Variants in LMBR1 observed in about 807,000 individuals in gnomAD.
LMBR1 encodes the protein limb development membrane protein 1, also known as limb region 1 protein homolog.
Under a neutral mutation model 73.9 loss-of-function variants are expected in LMBR1, and 52 were observed. The observed-to-expected ratio is 0.70, with a 90% CI of 0.56 to 0.89. LMBR1 has a LOEUF of 0.89. Ranked by LOEUF, LMBR1 falls within the 40% of genes least tolerant of loss-of-function variation. The pLI, the probability that LMBR1 is intolerant of heterozygous loss-of-function variation, is 0.00. For synonymous variants in LMBR1, 215 were observed against 209.4 expected (o/e 1.03, Z -0.23); for missense variants, 539 against 579.8 (o/e 0.93, Z 0.72).
chr7:156,765,680 C>T (rs948600576), intron 5 of LMBR1, among the ~76,000 whole-genome samples: 4 of 151,978 alleles, frequency 2.6e-5, no homozygotes, highest in African/African-American at 9.7e-5. Flanking sequence ...AATAAACAGA[C>T]AAAAGGAGAT....
chr7:156,763,095 GA>G lies in LMBR1; in HGVS notation c.619+12del. The G allele has an allele frequency of 3.1e-6, 4 of 1,290,364 alleles. No homozygotes were observed. The highest frequency in any genetic ancestry group is 1.5e-5 in the African/African-American group (1 of 66,240). 79.9% of individuals were successfully genotyped at this position (1,290,364 alleles called of 1,614,324 possible). On this transcript the variant is annotated intron_variant, in intron 7 of 16. Transcript: ENST00000353442. Reference sequence around the variant, plus strand: ...CTACTTTTCTCTTAATATCAAGTCTGAAAAATACTTACAGAGAAGTAACAAA... The same window carrying G: ...CTACTTTTCTCTTAATATCAAGTCTGAAAATACTTACAGAGAAGTAACAAA...
rs543648046 is a variant in LMBR1 at position 156,874,028 on chromosome 7, G to A, written c.66+18900C>T. Reference sequence around the variant, plus strand: ...CGTACTCCTCAGCCCTTGGGTGGTCGATGGGACTGGGCGCCGTGGAGCAGG... The same window carrying A: ...CGTACTCCTCAGCCCTTGGGTGGTCAATGGGACTGGGCGCCGTGGAGCAGG... On this transcript the variant is annotated intron_variant, in intron 1 of 16. Transcript: ENST00000353442. Among the ~76,000 whole-genome samples the A allele has an allele frequency of 9.2e-5, 14 of 152,380 alleles. No homozygotes were observed. In the East Asian group the frequency reaches 9.7e-4, roughly 11 times the overall value.
intron 2 of LMBR1, among the ~76,000 whole-genome samples, chr7:156,836,551 C>A (rs1022979691): frequency 6.6e-6 from 1 of 152,118 alleles, no homozygotes; most frequent in Non-Finnish European, 1.5e-5. Flanking sequence ...GGGAATTTCC[C>A]AGATACTAAA....
At chr7:156,799,114 A>G (rs1229001557) in intron 4 of LMBR1, among the ~76,000 whole-genome samples, 1 of 151,790 alleles carries the variant, frequency 6.6e-6, no homozygotes, top group Non-Finnish European at 1.5e-5. Context: ...AGGCAGGAGA[A>G]TTGCTTGAAC....
intron 5 of LMBR1, chr7:156,779,624 A>T: frequency 8.9e-7 from 1 of 1,129,546 alleles, no homozygotes; most frequent in Non-Finnish European, 1.2e-6. Flanking sequence ...TTTAATTCAC[A>T]TCAATGAAGT....
At position 156,734,273 on chromosome 7, in the gene LMBR1, A is replaced by C. The variant is rs760204455; in HGVS notation, c.758-16T>G. 3.2e-6 allele frequency: 5 copies of C among 1,570,040 alleles called. No homozygotes were observed. In the Admixed American group the frequency reaches 9.7e-5, roughly 30 times the overall value. On this transcript the variant is annotated splice_polypyrimidine_tract_variant and intron_variant, in intron 9 of 16. Coordinates refer to ENST00000353442, the MANE Select transcript of LMBR1 (RefSeq NM_022458.4). ...GAAGACAGCCCTGTTCAAAGCAAAA[A>C]ATATTTAGAAGTAAAACAGAACCCC... is the stretch of plus-strand genomic sequence containing the variant.
chr7:156,807,789 T>C (rs1369544894), intron 4 of LMBR1, among the ~76,000 whole-genome samples: 1 of 152,178 alleles, frequency 6.6e-6, no homozygotes, highest in Non-Finnish European at 1.5e-5. Context: ...TTTAGACACA[T>C]CCCGCAAATA....
At chr7:156,858,696 A>G (rs1797312782) in intron 1 of LMBR1, among the ~76,000 whole-genome samples, 1 of 152,246 alleles carries the variant, frequency 6.6e-6, no homozygotes, top group South Asian at 2.1e-4. Context: ...AACAGTATAT[A>G]AAAAGAATTA....
At chr7:156,731,279 A>G (rs923209145) in intron 10 of LMBR1, among the ~76,000 whole-genome samples, 4 of 152,206 alleles carry the variant, frequency 2.6e-5, no homozygotes, top group African/African-American at 9.6e-5. Flanking sequence ...AAAGAATATA[A>G]GAATGAAAAA....
At chr7:156,801,728 C>T (rs572967112) in intron 4 of LMBR1, among the ~76,000 whole-genome samples, 1 of 152,180 alleles carries the variant, frequency 6.6e-6, no homozygotes, top group African/African-American at 2.4e-5. Flanking sequence ...GATGAGGTTT[C>T]ACCATGTTGT....
At chr7:156,784,989 G>C (rs975747609) in intron 5 of LMBR1, among the ~76,000 whole-genome samples, 1 of 152,034 alleles carries the variant, frequency 6.6e-6, no homozygotes, top group African/African-American at 2.4e-5. Flanking sequence ...ATTTTTCCCG[G>C]CACCAGAAAA....
chr7:156,812,734 G>C (rs1833302647), intron 4 of LMBR1, among the ~76,000 whole-genome samples: 1 of 152,194 alleles, frequency 6.6e-6, no homozygotes, highest in African/African-American at 2.4e-5. Flanking sequence ...TTCGAACTGA[G>C]AAAATGATAT....
chr7:156,697,612 C>T (rs1808605134), intron 15 of LMBR1, among the ~76,000 whole-genome samples: 1 of 152,176 alleles, frequency 6.6e-6, no homozygotes, highest in Admixed American at 6.5e-5. Flanking sequence ...GCGATATCTT[C>T]CCTATTTGCA....
chr7:156,800,874 T>C (rs1031908262), intron 4 of LMBR1, among the ~76,000 whole-genome samples: 7 of 152,112 alleles, frequency 4.6e-5, no homozygotes, highest in African/African-American at 1.7e-4. Flanking sequence ...GTGGTAAAAA[T>C]AGCAAGAGGA....
chr7:156,863,605 T>C (rs948875359), intron 1 of LMBR1, among the ~76,000 whole-genome samples: 1 of 152,170 alleles, frequency 6.6e-6, no homozygotes, highest in African/African-American at 2.4e-5. Flanking sequence ...TCCAAACAGT[T>C]TTCTTAGGGG....
rs1170933772 is a variant in LMBR1 at position 156,681,097 on chromosome 7, C to G, written c.*2981G>C. On this transcript the variant is annotated 3_prime_UTR_variant, in exon 17 of 17. Coordinates refer to ENST00000353442, the MANE Select transcript of LMBR1 (RefSeq NM_022458.4). ...TCTATGTTCACATTAAAAAAAAAAA[C>G]TTGTAAGAATTCTGCCTTTATGCAT... The G allele has an allele frequency of 4.9e-6, 2 of 404,152 alleles. No individual in the cohort carries two copies. Among genetic ancestry groups the G allele is most frequent in the South Asian group, 3.7e-5 (2 of 54,306 alleles). 25.0% of individuals were successfully genotyped at this position (404,152 alleles called of 1,614,324 possible).
chr7:156,726,380 CAT>C (rs914169576), intron 12 of LMBR1, among the ~76,000 whole-genome samples: 4 of 151,868 alleles, frequency 2.6e-5, no homozygotes, highest in African/African-American at 7.3e-5. Context: ...TAACTGTTAA[CAT>C]AGATTTTTAA....
At chr7:156,725,979 C>T (rs934161956) in intron 12 of LMBR1, 142 bp from the exon 13 acceptor site, 31 of 609,228 alleles carry the variant, frequency 5.1e-5, no homozygotes, top group Non-Finnish European at 8.1e-5. Context: ...CAAAGGCCAA[C>T]AAGACATGAC....
At chr7:156,808,455 T>A (rs976875949) in intron 4 of LMBR1, among the ~76,000 whole-genome samples, 1 of 152,188 alleles carries the variant, frequency 6.6e-6, no homozygotes, top group Non-Finnish European at 1.5e-5. Context: ...CCTACTGCCA[T>A]TGACCTAGTT....
Sources: allele counts gnomAD v4.1 joint callset (sites outside exome capture counted in the v4.1 genomes callset), GRCh38; gene constraint gnomAD v4.1.1; transcripts MANE v1.5; gene names NCBI Gene and HGNC (gene_info 2026-07-23, HGNC 2026-07-21).